KLHL13: variants seen among roughly 807,000 people sequenced by gnomAD.
The protein encoded by KLHL13 is kelch-like protein 13.
A neutral mutation model predicts 37.1 loss-of-function variants in KLHL13; 10 were observed. The ratio of observed to expected loss-of-function variants is 0.27; its 90% confidence interval spans 0.17 to 0.46. The LOEUF (loss-of-function observed/expected upper bound fraction) is 0.46, where lower values mean the gene tolerates loss of function less well. KLHL13 is among the 20% of genes least tolerant of loss of function. KLHL13 has a pLI of 1.00. For synonymous variants in KLHL13, 163 were observed against 181.2 expected, an observed-to-expected ratio of 0.90 and a Z score of 0.81; for missense variants, 360 against 509.3, an observed-to-expected ratio of 0.71 and a Z score of 2.82.
chrX:118,096,696 C>T (rs1168358508), intron 1 of KLHL13, among the ~76,000 whole-genome samples: 1 of 111,230 alleles, frequency 9.0e-6, no homozygotes, highest in East Asian at 2.8e-4. Flanking sequence ...ACTGGCAAAC[C>T]GAATCCAGCA....
chrX:117,981,383 ATCT>A (rs1569432688), intron 1 of KLHL13, among the ~76,000 whole-genome samples: 1 of 112,359 alleles, frequency 8.9e-6, no homozygotes, highest in African/African-American at 3.2e-5. Flanking sequence ...AACAGAATTC[ATCT>A]TCTAGGTTGA....
At chrX:117,992,110 G>A (rs931590075) in intron 1 of KLHL13, among the ~76,000 whole-genome samples, 1 of 109,934 alleles carries the variant, frequency 9.1e-6, no homozygotes, top group East Asian at 2.8e-4. Context: ...GAATGAGGCA[G>A]GCTGGAGGTG....
intron 4 of KLHL13, 118 bp downstream of exon 5, chrX:117,919,403 C>A: frequency 1.7e-6 from 1 of 581,784 alleles, no homozygotes; most frequent in Non-Finnish European, 2.9e-6. Flanking sequence ...AGACCACATA[C>A]AACAAGACAC....
intron 1 of KLHL13, among the ~76,000 whole-genome samples, chrX:118,062,603 T>C (rs763470811): frequency 9.0e-5 from 10 of 110,662 alleles, no homozygotes; most frequent in South Asian, 7.6e-4. Context: ...TCTAGTACAG[T>C]TGGGCCCTCA....
chrX:118,020,733 G>C (rs2054196477), intron 1 of KLHL13, among the ~76,000 whole-genome samples: 1 of 110,167 alleles, frequency 9.1e-6, no homozygotes, highest in Non-Finnish European at 1.9e-5. Flanking sequence ...CAAAGACTTG[G>C]AACTAACCCA....
chrX:118,074,718 C>CA (rs2054910403), intron 1 of KLHL13, among the ~76,000 whole-genome samples: 1 of 111,712 alleles, frequency 9.0e-6, no homozygotes, highest in South Asian at 3.8e-4. Context: ...ATTTTTGATT[C>CA]AATGCCACCC....
At chrX:118,031,585 AT>A (rs1294323193) in intron 1 of KLHL13, among the ~76,000 whole-genome samples, 1 of 83,103 alleles carries the variant, frequency 1.2e-5, no homozygotes, top group African/African-American at 4.8e-5. Flanking sequence ...TTATATATAT[AT>A]TTAGTTATAT....
At chrX:118,037,105 A>G (rs1209649856) in intron 1 of KLHL13, among the ~76,000 whole-genome samples, 33 of 95,469 alleles carry the variant, frequency 3.5e-4, no homozygotes, top group Middle Eastern at 0.01. Flanking sequence ...CAGGTGCTGG[A>G]GAGGATGTGG....
chrX:118,026,942 T>C lies in KLHL13; in HGVS notation c.-55-81367A>G, dbSNP rs1040976045. Among the ~76,000 whole-genome samples, 29 of 111,776 alleles carry C rather than the reference T, an allele frequency of 2.6e-4. 1 individual carries two copies. The highest frequency in any genetic ancestry group is 6.7e-4 in the Admixed American group (7 of 10,471). ...AGTATTTCTTCAAAGAATTGTAACA[T>C]GAAATGAAACATGGCCTTACCAGTA... On this transcript the variant is annotated intron_variant, in intron 1 of 6. Transcript: ENST00000371882.
At chrX:117,993,215 C>T (rs2053814186) in intron 1 of KLHL13, among the ~76,000 whole-genome samples, 1 of 111,024 alleles carries the variant, frequency 9.0e-6, no homozygotes. Context: ...AGAGAGGGTG[C>T]GGGTGCAAGA....
At chrX:118,036,745 G>T (rs1467785597) in intron 1 of KLHL13, among the ~76,000 whole-genome samples, 1 of 110,730 alleles carries the variant, frequency 9.0e-6, no homozygotes, top group African/African-American at 3.3e-5. Context: ...TGACAAATGG[G>T]ATCTAATTCA....
intron 1 of KLHL13, among the ~76,000 whole-genome samples, chrX:118,116,201 G>A (rs985442377): frequency 2.7e-5 from 3 of 111,500 alleles, no homozygotes; most frequent in Non-Finnish European, 5.7e-5. Flanking sequence ...GAGGCCCAGA[G>A]GAGAAGATCT....
chrX:117,984,094 C>T (rs1233054020), intron 1 of KLHL13, among the ~76,000 whole-genome samples: 1 of 111,729 alleles, frequency 9.0e-6, no homozygotes, highest in Non-Finnish European at 1.9e-5. Flanking sequence ...AATAAAAACA[C>T]ATAAATAGAT....
intron 1 of KLHL13, among the ~76,000 whole-genome samples, chrX:117,968,700 T>A (rs781732038): frequency 2.7e-5 from 3 of 111,940 alleles, no homozygotes; most frequent in African/African-American, 6.5e-5. Context: ...AAAGAAAGAT[T>A]TCTCTAATCA....
chrX:117,979,124 T>A (rs979496667), intron 1 of KLHL13, among the ~76,000 whole-genome samples: 4 of 110,447 alleles, frequency 3.6e-5, no homozygotes, highest in Non-Finnish European at 7.6e-5. Flanking sequence ...TAGAGATGGG[T>A]TTTTACCACG....
At chrX:118,025,501 T>G (rs149925820) in intron 1 of KLHL13, among the ~76,000 whole-genome samples, 3 of 111,391 alleles carry the variant, frequency 2.7e-5, no homozygotes, top group Non-Finnish European at 5.6e-5. Flanking sequence ...GTAGATCAAC[T>G]GCTGAGGTAT....
intron 1 of KLHL13, among the ~76,000 whole-genome samples, chrX:118,108,804 A>T (rs1179200859): frequency 3.6e-5 from 4 of 110,653 alleles, no homozygotes; most frequent in African/African-American, 1.3e-4. Context: ...TTTTTTAAAA[A>T]TTTTTTTAGA....
chrX:117,970,399 TTTA>T (rs1044775028), intron 1 of KLHL13, among the ~76,000 whole-genome samples: 2 of 111,510 alleles, frequency 1.8e-5, no homozygotes, highest in Non-Finnish European at 3.8e-5. Flanking sequence ...TATATCACGA[TTTA>T]TTGAGGAGTC....
At chrX:117,906,794 T>C (rs1033345152) in intron 5 of KLHL13, among the ~76,000 whole-genome samples, 2 of 111,767 alleles carry the variant, frequency 1.8e-5, no homozygotes, top group Non-Finnish European at 3.8e-5. Context: ...GAGGTCATTA[T>C]AGATTTGTAA....
Sources: allele counts gnomAD v4.1 joint callset (sites outside exome capture counted in the v4.1 genomes callset), GRCh38; gene constraint gnomAD v4.1.1; transcripts MANE v1.5; gene names NCBI Gene and HGNC (gene_info 2026-07-23, HGNC 2026-07-21).